Variants in CNTNAP5 observed in about 807,000 individuals in gnomAD.
CNTNAP5 encodes contactin-associated protein-like 5.
CNTNAP5 carries 72 observed loss-of-function variants against 150.2 expected under a neutral mutation model. The ratio of observed to expected loss-of-function variants is 0.48; its 90% CI spans 0.40 to 0.58. The LOEUF is 0.58. Among genes scored for constraint, CNTNAP5 ranks in the 20% least tolerant of loss-of-function variants. The pLI is 0.00. For synonymous variants in CNTNAP5, 672 were observed against 619.8 expected (o/e 1.08, Z -1.25); for missense variants, 1,636 against 1,626.2 (o/e 1.01, Z -0.10).
At chr2:124,470,594 T>C (rs1186491988) in intron 6 of CNTNAP5, among the ~76,000 whole-genome samples, 3 of 152,136 alleles carry the variant, frequency 2.0e-5, no homozygotes, top group Non-Finnish European at 4.4e-5. Flanking sequence ...TGCCAATTTT[T>C]GCTTTAGTTG....
chr2:124,396,951 C>T (rs985710314), intron 3 of CNTNAP5, among the ~76,000 whole-genome samples: 1 of 152,180 alleles, frequency 6.6e-6, no homozygotes, highest in Non-Finnish European at 1.5e-5. Context: ...GTCTTAGAGT[C>T]AAATGCAGAC....
At chr2:124,902,029 A>G (rs1357193258) in intron 21 of CNTNAP5, among the ~76,000 whole-genome samples, 1 of 152,124 alleles carries the variant, frequency 6.6e-6, no homozygotes, top group African/African-American at 2.4e-5. Flanking sequence ...TTAATAAATA[A>G]CCATCTCGGT....
At chr2:124,110,831 A>G (rs1683277522) in intron 1 of CNTNAP5, among the ~76,000 whole-genome samples, 1 of 152,164 alleles carries the variant, frequency 6.6e-6, no homozygotes, top group African/African-American at 2.4e-5. Flanking sequence ...TTTGCCATTC[A>G]AAGGACTTTC....
intron 14 of CNTNAP5, 116 bp downstream of exon 14, chr2:124,747,501 G>T: frequency 8.1e-7 from 1 of 1,231,722 alleles, no homozygotes; most frequent in Non-Finnish European, 1.2e-6. Context: ...GAGCTCCCCC[G>T]ATGGTGACTT....
intron 3 of CNTNAP5, among the ~76,000 whole-genome samples, chr2:124,278,462 A>C (rs1042305957): frequency 6.6e-6 from 1 of 152,170 alleles, no homozygotes; most frequent in Admixed American, 6.6e-5. Flanking sequence ...AATATCCCAG[A>C]TGGCCCATCA....
At chr2:124,151,475 C>A (rs1684404376) in intron 1 of CNTNAP5, among the ~76,000 whole-genome samples, 1 of 152,184 alleles carries the variant, frequency 6.6e-6, no homozygotes, top group Non-Finnish European at 1.5e-5. Context: ...ATCAGCTCTG[C>A]CACTTACCAG....
chr2:124,047,152 C>T (rs143865070), intron 1 of CNTNAP5, among the ~76,000 whole-genome samples: 34 of 152,222 alleles, frequency 2.2e-4, no homozygotes, highest in Non-Finnish European at 4.0e-4. Context: ...GAAACAATAC[C>T]GAGCTATTTA....
chr2:124,057,057 C>T lies in CNTNAP5; in HGVS notation c.82+31325C>T, dbSNP rs553236944. ...AATTGATTGATAATTACTCAATGGC[C>T]ATGTCCAATACTAATCTCATGAGCC... On this transcript the variant is annotated intron_variant, in intron 1 of 23. Coordinates refer to ENST00000682447, the MANE Select transcript of CNTNAP5 (RefSeq NM_001367498.1). 3.9e-5 allele frequency among the ~76,000 whole-genome samples: 6 copies of T among 152,104 alleles called. No homozygotes were observed. The South Asian group carries it at 8.3e-4, about 21-fold the overall frequency.
intron 11 of CNTNAP5, among the ~76,000 whole-genome samples, chr2:124,608,218 G>A (rs141845878): frequency 7.0e-4 from 107 of 152,268 alleles, no homozygotes; most frequent in African/African-American, 2.4e-3. Context: ...AATGTTTAAA[G>A]CATCATAGGG....
chr2:124,187,110 T>C (rs1047934432), intron 1 of CNTNAP5, among the ~76,000 whole-genome samples: 13 of 152,060 alleles, frequency 8.5e-5, no homozygotes, highest in African/African-American at 2.9e-4. Context: ...CTTTCTTCCC[T>C]ACTCCACAGT....
At chr2:124,713,744 T>C (rs1679888640) in intron 13 of CNTNAP5, among the ~76,000 whole-genome samples, 1 of 152,094 alleles carries the variant, frequency 6.6e-6, no homozygotes, top group Non-Finnish European at 1.5e-5. Flanking sequence ...TCCATACTGC[T>C]ACCAGAAGGT....
intron 19 of CNTNAP5, among the ~76,000 whole-genome samples, chr2:124,859,699 C>T (rs1018169421): frequency 6.6e-6 from 1 of 152,078 alleles, no homozygotes; most frequent in African/African-American, 2.4e-5. Context: ...GAAAGTGTGG[C>T]ACATATACAC....
chr2:124,179,485 CAT>C, intron 1 of CNTNAP5, among the ~76,000 whole-genome samples: 1 of 152,260 alleles, frequency 6.6e-6, no homozygotes, highest in African/African-American at 2.4e-5. Context: ...GTACTGAACA[CAT>C]CAATTTTGCT....
At chr2:124,356,830 G>A (rs62171023) in intron 3 of CNTNAP5, among the ~76,000 whole-genome samples, 1 of 150,974 alleles carries the variant, frequency 6.6e-6, no homozygotes, top group Admixed American at 6.6e-5. Context: ...CCAGTAATGG[G>A]ATGGCTGGGT....
intron 3 of CNTNAP5, among the ~76,000 whole-genome samples, chr2:124,358,314 G>A (rs1690082198): frequency 6.6e-6 from 1 of 151,834 alleles, no homozygotes; most frequent in Admixed American, 6.6e-5. Flanking sequence ...CTGCCTAATT[G>A]CCCTGGCCAG....
At chr2:124,376,798 C>CT (rs143288342) in intron 3 of CNTNAP5, among the ~76,000 whole-genome samples, 6,007 of 152,040 alleles carry the variant, frequency 0.04, 413 homozygotes, top group African/African-American at 0.14. Flanking sequence ...ATGGCCCTAC[C>CT]TTTTTTTCTT....
chr2:124,915,676 A>G lies in CNTNAP5; in HGVS notation c.*1388A>G, dbSNP rs1678752401. The stretch of plus-strand genomic sequence containing the variant: ...GCTTAAACTCCCAAAAGAGGTGGTG[A>G]CAAATTTCAGGGTCTTTGTCCCTTT... On this transcript the variant is annotated 3_prime_UTR_variant, in exon 24 of 24. Coordinates refer to ENST00000682447, the MANE Select transcript of CNTNAP5 (RefSeq NM_001367498.1). 6.6e-6 allele frequency among the ~76,000 whole-genome samples: 1 copy of G among 152,046 alleles called. No individual in the cohort carries two copies. The highest frequency in any genetic ancestry group is 1.9e-4 in the East Asian group (1 of 5,144).
intron 1 of CNTNAP5, among the ~76,000 whole-genome samples, chr2:124,220,697 A>G (rs1686284369): frequency 6.6e-6 from 1 of 152,124 alleles, no homozygotes; most frequent in Non-Finnish European, 1.5e-5. Context: ...TTGTTGCATC[A>G]TCATATGGCA....
intron 12 of CNTNAP5, among the ~76,000 whole-genome samples, chr2:124,619,241 G>A (rs1677553554): frequency 6.6e-6 from 1 of 152,076 alleles, no homozygotes; most frequent in Admixed American, 6.6e-5. Context: ...GGAGTCCACT[G>A]GGGACTAAGA....
Sources: allele counts gnomAD v4.1 joint callset (sites outside exome capture counted in the v4.1 genomes callset), GRCh38; gene constraint gnomAD v4.1.1; transcripts MANE v1.5; gene names NCBI Gene and HGNC (gene_info 2026-07-23, HGNC 2026-07-21).